The following GALNTL6 variants were observed in gnomAD, a reference collection of about 807,000 sequenced individuals.
GALNTL6 encodes polypeptide N-acetylgalactosaminyltransferase-like 6.
In GALNTL6, 46 loss-of-function variants were observed where a neutral mutation model predicts 73.7. That is an observed-to-expected ratio of 0.62 (90% confidence interval 0.49 to 0.80). The LOEUF (loss-of-function observed/expected upper bound fraction) is 0.80, where lower values mean the gene tolerates loss of function less well. Ranked by LOEUF, GALNTL6 falls within the 30% of genes least tolerant of loss-of-function variation. The pLI, the probability that GALNTL6 is intolerant of heterozygous loss-of-function variation, is 0.00. For synonymous variants in GALNTL6, 259 were observed against 263.7 expected (o/e 0.98, Z 0.17); for missense variants, 604 against 755.0 (o/e 0.80, Z 2.34).
At position 171,944,660 on chromosome 4, in the gene GALNTL6, A is replaced by T. The variant is rs1282720724; in HGVS notation, c.138+129942A>T. 2.0e-5 allele frequency among the ~76,000 whole-genome samples: 3 copies of T among 152,080 alleles called. No homozygotes were observed. The East Asian group carries it at 5.8e-4, about 29-fold the overall frequency. The stretch of plus-strand genomic sequence containing the variant: ...TTCTAATCCATCTTAGACAGGTAGG[A>T]GAGTTATATTTAAGTTTCCTCTGGG... On this transcript the variant is annotated intron_variant, in intron 2 of 12. Coordinates refer to ENST00000506823, the MANE Select transcript of GALNTL6 (RefSeq NM_001034845.3).
chr4:172,912,745 G>A (rs1188696344), intron 8 of GALNTL6, among the ~76,000 whole-genome samples: 1 of 152,232 alleles, frequency 6.6e-6, no homozygotes, highest in Admixed American at 6.5e-5. Context: ...GCCCAGCGCA[G>A]CTCAGTGAGG....
intron 2 of GALNTL6, among the ~76,000 whole-genome samples, chr4:171,919,298 C>T (rs940828644): frequency 6.6e-6 from 1 of 151,542 alleles, no homozygotes. Context: ...AAAACATTAT[C>T]CACACAAGCA....
intron 12 of GALNTL6, among the ~76,000 whole-genome samples, chr4:173,032,336 A>C (rs921652897): frequency 4.6e-5 from 7 of 152,138 alleles, no homozygotes; most frequent in African/African-American, 1.7e-4. Flanking sequence ...CTGTAGTCCC[A>C]GCTACTCGGG....
intron 8 of GALNTL6, among the ~76,000 whole-genome samples, chr4:172,896,371 A>T (rs1220759471): frequency 6.6e-6 from 1 of 152,218 alleles, no homozygotes; most frequent in Non-Finnish European, 1.5e-5. Flanking sequence ...AAGCCCAGGC[A>T]TTCTACAAGT....
At chr4:172,795,196 A>G (rs982916275) in intron 5 of GALNTL6, among the ~76,000 whole-genome samples, 2 of 152,178 alleles carry the variant, frequency 1.3e-5, no homozygotes, top group Middle Eastern at 3.2e-3. Context: ...TCTCAGTAGA[A>G]ATACCGAAAA....
chr4:172,189,829 GATA>G (rs1415597488), intron 2 of GALNTL6, among the ~76,000 whole-genome samples: 2 of 151,684 alleles, frequency 1.3e-5, no homozygotes, highest in South Asian at 2.1e-4. Flanking sequence ...TAATAATGAT[GATA>G]ATAATAATAA....
At chr4:172,322,705 A>G (rs945884966) in intron 4 of GALNTL6, among the ~76,000 whole-genome samples, 3 of 152,094 alleles carry the variant, frequency 2.0e-5, no homozygotes, top group African/African-American at 7.2e-5. Flanking sequence ...GGATAGCACT[A>G]GGAGGATGGT....
At position 171,953,283 on chromosome 4, in the gene GALNTL6, A is replaced by G. The variant is rs76209701; in HGVS notation, c.138+138565A>G. Among the ~76,000 whole-genome samples, 676 of 148,800 alleles carry G rather than the reference A, an allele frequency of 4.5e-3. 8 individuals are homozygous for G. Among genetic ancestry groups the G allele is most frequent in the African/African-American group, 0.016 (642 of 40,566 alleles). Reference sequence around the variant, plus strand: ...GTGTGTGTAAGAAAAAAGAGTCAGGAAGAGCCAAGATACAGAAGGAAAATT... The same window carrying G: ...GTGTGTGTAAGAAAAAAGAGTCAGGGAGAGCCAAGATACAGAAGGAAAATT... On this transcript the variant is annotated intron_variant, in intron 2 of 12. Transcript: ENST00000506823.
At chr4:172,034,422 G>A (rs1221183219) in intron 2 of GALNTL6, among the ~76,000 whole-genome samples, 13 of 68,612 alleles carry the variant, frequency 1.9e-4, no homozygotes, top group Non-Finnish European at 4.8e-4. Flanking sequence ...GTGTGTGTGT[G>A]TGTGTGTGTG....
intron 7 of GALNTL6, among the ~76,000 whole-genome samples, chr4:172,871,482 A>G (rs903294235): frequency 6.6e-6 from 1 of 151,872 alleles, no homozygotes; most frequent in Non-Finnish European, 1.5e-5. Flanking sequence ...CCTCACTAAT[A>G]AAATAGTGAG....
chr4:171,852,846 G>GT (rs1333551734), intron 2 of GALNTL6, among the ~76,000 whole-genome samples: 2 of 151,284 alleles, frequency 1.3e-5, no homozygotes, highest in Non-Finnish European at 3.0e-5. Context: ...GGATGTAGGA[G>GT]TTTTTTGTTT....
At chr4:172,852,539 T>A (rs1290012593) in intron 7 of GALNTL6, among the ~76,000 whole-genome samples, 2 of 152,104 alleles carry the variant, frequency 1.3e-5, no homozygotes, top group Non-Finnish European at 2.9e-5. Flanking sequence ...GGGACATAAG[T>A]TTTTGGTGAA....
At chr4:172,694,553 A>G (rs923579275) in intron 5 of GALNTL6, among the ~76,000 whole-genome samples, 3 of 152,120 alleles carry the variant, frequency 2.0e-5, no homozygotes, top group Non-Finnish European at 4.4e-5. Flanking sequence ...CATTGATGCA[A>G]CTGCCCTATT....
At chr4:172,305,879 A>G (rs371207053) in intron 3 of GALNTL6, among the ~76,000 whole-genome samples, 4 of 152,124 alleles carry the variant, frequency 2.6e-5, no homozygotes, top group South Asian at 4.1e-4. Context: ...ATCTCATGAG[A>G]TTCATCACTC....
At chr4:171,927,024 G>A (rs1216095591) in intron 2 of GALNTL6, among the ~76,000 whole-genome samples, 1 of 151,124 alleles carries the variant, frequency 6.6e-6, no homozygotes, top group Non-Finnish European at 1.5e-5. Context: ...TAACCTATAC[G>A]TAATTTTTTT....
In GALNTL6 at chr4:172,141,882, A is replaced by AC. The variant is rs1560939807; in HGVS notation, c.139-87774_139-87773insC. ...AGGACTAATGACAAGAACACACACA[A>AC]ACACACACACACACACACACACACA... On this transcript the variant is annotated intron_variant, in intron 2 of 12. Coordinates refer to ENST00000506823, the MANE Select transcript of GALNTL6 (RefSeq NM_001034845.3). Among the ~76,000 whole-genome samples, 107 of 108,946 alleles carry AC rather than the reference A, an allele frequency of 9.8e-4. 1 individual carries two copies. The highest frequency in any genetic ancestry group is 3.7e-3 in the African/African-American group (105 of 28,538). The allele number at this position is 108,946 out of a possible 152,430, so 71.5% of individuals were successfully genotyped here.
intron 5 of GALNTL6, among the ~76,000 whole-genome samples, chr4:172,421,486 G>A (rs1011112397): frequency 6.6e-6 from 1 of 151,538 alleles, no homozygotes; most frequent in Non-Finnish European, 1.5e-5. Context: ...ATGGCTAAGA[G>A]AGAAAAATAA....
At chr4:171,868,025 T>C (rs1038139787) in intron 2 of GALNTL6, among the ~76,000 whole-genome samples, 1 of 151,590 alleles carries the variant, frequency 6.6e-6, no homozygotes, top group African/African-American at 2.4e-5. Flanking sequence ...GTCACTCTGT[T>C]GCCCAGGCTG....
chr4:172,404,058 C>T (rs778614959), intron 5 of GALNTL6, among the ~76,000 whole-genome samples: 1 of 151,932 alleles, frequency 6.6e-6, no homozygotes, highest in Non-Finnish European at 1.5e-5. Flanking sequence ...GGCTTATTAT[C>T]TGGATGATCT....
Sources: gnomAD v4.1 joint callset for allele counts (sites outside exome capture counted in the v4.1 genomes callset) on GRCh38, gnomAD v4.1.1 for gene constraint, MANE v1.5 for transcripts, NCBI Gene and HGNC (gene_info 2026-07-23, HGNC 2026-07-21) for gene names.